GRIK2: variants seen among roughly 807,000 people sequenced by gnomAD.
The protein encoded by GRIK2 is glutamate receptor ionotropic, kainate 2.
GRIK2 carries 32 observed loss-of-function variants against 100.3 expected under a neutral mutation model. The ratio of observed to expected loss-of-function variants is 0.32; its 90% CI spans 0.24 to 0.43. The LOEUF is 0.43. Ranked by LOEUF, GRIK2 falls within the 20% of genes least tolerant of loss-of-function variation. The pLI is 1.00. For synonymous variants in GRIK2, 417 were observed against 389.4 expected, an observed-to-expected ratio of 1.07 and a Z score of -0.83; for missense variants, 843 against 1,114.9, an observed-to-expected ratio of 0.76 and a Z score of 3.47.
intron 10 of GRIK2, among the ~76,000 whole-genome samples, chr6:101,827,695 T>C (rs1213196537): frequency 6.6e-6 from 1 of 151,926 alleles, no homozygotes; most frequent in South Asian, 2.1e-4. Flanking sequence ...AAGAATGACA[T>C]TACATAATGA....
At chr6:101,562,037 C>T (rs1386846332) in intron 2 of GRIK2, among the ~76,000 whole-genome samples, 4 of 151,892 alleles carry the variant, frequency 2.6e-5, no homozygotes, top group African/African-American at 9.7e-5. Context: ...GGTTATTATC[C>T]CCACTAACCT....
At position 101,407,313 on chromosome 6, in the gene GRIK2, TC is replaced by T. The variant is rs577172538; in HGVS notation, c.115+7925del. 3.5e-3 allele frequency among the ~76,000 whole-genome samples: 533 copies of T among 152,116 alleles called. 4 individuals are homozygous for T. The highest frequency in any genetic ancestry group is 0.013 in the African/African-American group (522 of 41,494). On this transcript the variant is annotated intron_variant, in intron 2 of 16. Transcript: ENST00000369134. ...TCTAAGCTAAAGGGGAACTCAAAGG[TC>T]CCCACGTTTAGAGTCTTAAGTTTAG...
intron 14 of GRIK2, among the ~76,000 whole-genome samples, chr6:101,987,070 G>A (rs1774123620): frequency 6.6e-6 from 1 of 151,846 alleles, no homozygotes; most frequent in Admixed American, 6.6e-5. Flanking sequence ...TTGGGCCCAG[G>A]AGTTCAAATT....
rs141936357 is a variant in GRIK2, at chr6:101,633,778, G to A, written c.541+7141G>A. Among the ~76,000 whole-genome samples, 1,268 of 152,182 alleles carry A rather than the reference G, an allele frequency of 8.3e-3. 15 individuals are homozygous for A. The highest frequency in any genetic ancestry group is 0.034 in the South Asian group (163 of 4,826). ...ACACACAAAGAGCATATCATTTAGA[G>A]TTCTGGGAAAGAAACAGAAGAAACA... is the stretch of plus-strand genomic sequence containing the variant. On this transcript the variant is annotated intron_variant, in intron 4 of 16. Transcript: ENST00000369134.
At chr6:101,417,072 G>A (rs1004064147) in intron 2 of GRIK2, among the ~76,000 whole-genome samples, 1 of 152,212 alleles carries the variant, frequency 6.6e-6, no homozygotes, top group African/African-American at 2.4e-5. Flanking sequence ...CACATGGCTA[G>A]GGAGGCCTCA....
intron 12 of GRIK2, among the ~76,000 whole-genome samples, chr6:101,923,907 A>G (rs1000653914): frequency 1.3e-5 from 2 of 150,304 alleles, no homozygotes; most frequent in East Asian, 3.9e-4. Context: ...CCTGGGGGAC[A>G]AAGGGAGATT....
At chr6:101,594,793 T>C (rs2128307874) in intron 2 of GRIK2, among the ~76,000 whole-genome samples, 1 of 151,822 alleles carries the variant, frequency 6.6e-6, no homozygotes, top group Non-Finnish European at 1.5e-5. Flanking sequence ...TTTAAAGAAA[T>C]ATTTGTAGTT....
At chr6:101,511,672 A>C (rs1253864077) in intron 2 of GRIK2, among the ~76,000 whole-genome samples, 1 of 152,030 alleles carries the variant, frequency 6.6e-6, no homozygotes, top group East Asian at 1.9e-4. Context: ...TTCTCAGCCT[A>C]TTGGCTAAGA....
At chr6:101,550,543 T>G (rs906815014) in intron 2 of GRIK2, among the ~76,000 whole-genome samples, 6 of 152,196 alleles carry the variant, frequency 3.9e-5, no homozygotes, top group Non-Finnish European at 8.8e-5. Context: ...ATTGAGTAGG[T>G]CCTACACTGC....
At chr6:101,817,131 T>C (rs1261717228) in intron 9 of GRIK2, among the ~76,000 whole-genome samples, 6 of 152,182 alleles carry the variant, frequency 3.9e-5, no homozygotes, top group Non-Finnish European at 7.3e-5. Flanking sequence ...AAATGTAAAT[T>C]GGCCAGTAGG....
intron 7 of GRIK2, among the ~76,000 whole-genome samples, chr6:101,743,877 T>C (rs945258833): frequency 6.6e-6 from 1 of 152,170 alleles, no homozygotes; most frequent in Non-Finnish European, 1.5e-5. Context: ...ATGAACAAGT[T>C]CTTTAGTGGT....
At chr6:101,740,911 C>T (rs1775986077) in intron 7 of GRIK2, among the ~76,000 whole-genome samples, 1 of 152,148 alleles carries the variant, frequency 6.6e-6, no homozygotes, top group Non-Finnish European at 1.5e-5. Context: ...AAACACCTCC[C>T]ACTAGATCCC....
intron 14 of GRIK2, among the ~76,000 whole-genome samples, chr6:101,957,670 A>C (rs1380737333): frequency 1.3e-5 from 2 of 152,014 alleles, no homozygotes; most frequent in African/African-American, 4.8e-5. Flanking sequence ...CAGATCTTAC[A>C]TTCAGGAATT....
chr6:101,630,622 C>T (rs567666649), intron 4 of GRIK2, among the ~76,000 whole-genome samples: 1 of 151,950 alleles, frequency 6.6e-6, no homozygotes, highest in South Asian at 2.1e-4. Flanking sequence ...TAGACCTTTG[C>T]TTGATGCATA....
At chr6:101,851,890 T>C (rs1784150585) in intron 10 of GRIK2, among the ~76,000 whole-genome samples, 1 of 145,694 alleles carries the variant, frequency 6.9e-6, no homozygotes, top group Non-Finnish European at 1.5e-5. Flanking sequence ...CAAGGAAGTA[T>C]GGGAGGGATG....
chr6:101,427,312 C>G (rs1053205719), intron 2 of GRIK2, among the ~76,000 whole-genome samples: 2 of 152,204 alleles, frequency 1.3e-5, no homozygotes, highest in Non-Finnish European at 1.5e-5. Context: ...AGTGCCATCC[C>G]CATTCTCATT....
At chr6:101,652,782 T>C (rs1308491849) in intron 4 of GRIK2, among the ~76,000 whole-genome samples, 1 of 152,146 alleles carries the variant, frequency 6.6e-6, no homozygotes, top group Non-Finnish European at 1.5e-5. Flanking sequence ...AGCGGTTTCC[T>C]CAAAGGAGAG....
chr6:101,695,531 A>G (rs1296700593), intron 7 of GRIK2, among the ~76,000 whole-genome samples: 1 of 152,076 alleles, frequency 6.6e-6, no homozygotes. Context: ...ATATTTATCT[A>G]TGTACTAAAC....
At chr6:101,693,741 A>C (rs779595225) in intron 7 of GRIK2, among the ~76,000 whole-genome samples, 5 of 152,030 alleles carry the variant, frequency 3.3e-5, no homozygotes, top group African/African-American at 7.2e-5. Flanking sequence ...AAAATTATAT[A>C]TATCTAATAT....
Sources: allele counts gnomAD v4.1 joint callset (sites outside exome capture counted in the v4.1 genomes callset), GRCh38; gene constraint gnomAD v4.1.1; transcripts MANE v1.5; gene names NCBI Gene and HGNC (gene_info 2026-07-23, HGNC 2026-07-21).